The following MIB2 variants were observed in gnomAD, a reference collection of about 807,000 sequenced individuals.
MIB2 encodes the protein MIB E3 ubiquitin protein ligase 2, also known as E3 ubiquitin-protein ligase MIB2.
In MIB2, 78 loss-of-function variants were observed where a neutral mutation model predicts 96.6. The observed-to-expected ratio is 0.81, with a 90% CI of 0.67 to 0.97. MIB2 has a LOEUF of 0.97. Ranked by LOEUF, MIB2 falls within the 50% of genes least tolerant of loss-of-function variation. MIB2 has a pLI of 0.00. For synonymous variants in MIB2, 820 were observed against 629.5 expected, an observed-to-expected ratio of 1.30 and a Z score of -4.53; for missense variants, 1,543 against 1,424.0, an observed-to-expected ratio of 1.08 and a Z score of -1.35.
chr1:1,616,941 A>G (rs1643781299), intron 2 of MIB2: 1 of 287,526 alleles, frequency 3.5e-6, no homozygotes. Flanking sequence ...AAGTGTCTGA[A>G]TGTGGCGCTC....
upstream of MIB2, chr1:1,615,408 G>A (rs1643493537): frequency 6.9e-7 from 1 of 1,459,758 alleles, no homozygotes; most frequent in African/African-American, 1.5e-5. Flanking sequence ...ACGCTCCCGC[G>A]TGACGCACTT....
Position 1,629,371 on chromosome 1 carries a change from T to G in MIB2, c.2382-14T>G, listed in dbSNP as rs761814820. 1.1e-3 allele frequency: 1,563 copies of G among 1,437,942 alleles called. 2 individuals carry two copies. The highest frequency in any genetic ancestry group is 1.3e-3 in the Non-Finnish European group (1,452 of 1,109,648). The allele number at this position is 1,437,942 out of a possible 1,614,324, so 89.1% of individuals were successfully genotyped here. Reference sequence around the variant, plus strand: ...GCCTCCGGGCCCCTCTCAAGCCGCCTCCTCCCCCTGCAGGGAGCGGCAGGC... The same window carrying G: ...GCCTCCGGGCCCCTCTCAAGCCGCCGCCTCCCCCTGCAGGGAGCGGCAGGC... On this transcript the variant is annotated splice_polypyrimidine_tract_variant and intron_variant, in intron 17 of 19. Transcript: ENST00000355826.
In MIB2 at chr1:1,626,516, TG is replaced by T; in HGVS notation, c.973-130del. On this transcript the variant is annotated intron_variant, in intron 8 of 19. Coordinates refer to ENST00000355826, the MANE Select transcript of MIB2 (RefSeq NM_001170687.4). This position sits in a 1 kb window ranked among gnomAD's most constrained non-coding sequence, Gnocchi z 5.3. ...TCCAGCCAGAGCCTCTGGCAGTGCC[TG>T]GGGTCGGGGTCGGGGCCGGGGCCGA... 1 of 723,982 alleles carries T rather than the reference TG, an allele frequency of 1.4e-6. No homozygotes were observed. 44.8% of individuals were successfully genotyped at this position (723,982 alleles called of 1,614,324 possible).
chr1:1,629,603 G>C (rs1304470589), intron 18 of MIB2, 36 bp from the exon 19 acceptor site: 19 of 1,568,992 alleles, frequency 1.2e-5, no homozygotes, highest in Non-Finnish European at 1.6e-5. Context: ...GGCCCGGCTA[G>C]TAGGGCCGCA....
Position 1,629,200 on chromosome 1 carries a change from C to A in MIB2, c.2270C>A (p.Ala757Glu), listed in dbSNP as rs1293954894. ...TVGAAVACFL[A>E]LEGADVSYTN... Reference sequence around the variant, plus strand: ...GGCGCGGCGGTCGCCTGCTTCCTGGCGCTGGAGGGCGCCGACGTGAGCTAC... The same window carrying A: ...GGCGCGGCGGTCGCCTGCTTCCTGGAGCTGGAGGGCGCCGACGTGAGCTAC... The change falls in exon 17 of 20, where the codon GCG (alanine) becomes GAG (glutamate). Residue 757 changes from alanine to glutamate, a missense_variant. By Grantham distance (107) the Ala-to-Glu change is moderately radical. Coordinates refer to ENST00000355826, the MANE Select transcript of MIB2 (RefSeq NM_001170687.4). 6.6e-7 allele frequency: 1 copy of A among 1,521,018 alleles called. No individual in the cohort carries two copies. Among genetic ancestry groups the A allele is most frequent in the Admixed American group, 2.0e-5 (1 of 50,004 alleles). The allele number at this position is 1,521,018 out of a possible 1,614,324, so 94.2% of individuals were successfully genotyped here.
chr1:1,629,293 G>C lies in MIB2; in HGVS notation c.2363G>C (p.Gly788Ala). Reference sequence around the variant, plus strand: ...GGTCGCGTGCTCAAGGCCCTTCAGGGCTGCGCCCAGCGCTTCCGGTGAGTC... The same window carrying C: ...GGTCGCGTGCTCAAGGCCCTTCAGGCCTGCGCCCAGCGCTTCCGGTGAGTC... ...AEGRVLKALQ[G>A]CAQRFRERQA... The change falls in exon 17 of 20, where the codon GGC (glycine) becomes GCC (alanine). Residue 788 changes from glycine to alanine, a missense_variant. Physicochemically the swap from Gly to Ala is moderately conservative, Grantham distance 60. Transcript: ENST00000355826. The C allele has an allele frequency of 6.6e-7, 1 of 1,514,106 alleles. No homozygotes were observed. The highest frequency in any genetic ancestry group is 8.7e-7 in the Non-Finnish European group (1 of 1,146,230). 93.8% of individuals were successfully genotyped at this position (1,514,106 alleles called of 1,614,324 possible).
In MIB2 at chr1:1,629,404, G is replaced by C; in HGVS notation, c.2401G>C (p.Gly801Arg). ...QRFRERQAGG[G>R]AAPGPRQTLG... ...CTGCAGGGAGCGGCAGGCGGGCGGG[G>C]GCGCGGCCCCGGGCCCCAGGCAAAC... The change falls in exon 18 of 20, where the codon GGC becomes CGC. Residue 801 changes from glycine to arginine, a missense_variant. Gly to Arg is a moderately radical substitution (Grantham distance 125). Transcript: ENST00000355826. 6.9e-7 allele frequency: 1 copy of C among 1,449,342 alleles called. No homozygotes were observed. Among genetic ancestry groups the C allele is most frequent in the Non-Finnish European group, 9.0e-7 (1 of 1,113,146 alleles). 89.8% of individuals were successfully genotyped at this position (1,449,342 alleles called of 1,614,324 possible).
chr1:1,614,112 G>A (rs555027432), upstream of MIB2: 12 of 152,352 alleles, frequency 7.9e-5, no homozygotes, highest in Admixed American at 3.9e-4. Context: ...TACTGTAGCA[G>A]TGAACAGCAG....
rs527424531 is a variant in MIB2 at position 1,626,393 on chromosome 1, C to T, written c.973-257C>T. The T allele has an allele frequency of 1.5e-3, 750 of 510,228 alleles. No homozygotes were observed. Among genetic ancestry groups the T allele is most frequent in the Non-Finnish European group, 1.9e-3 (561 of 290,770 alleles). The allele number at this position is 510,228 out of a possible 1,614,324, so 31.6% of individuals were successfully genotyped here. A position where few individuals can be genotyped will look rare whatever the true frequency, so the allele number is the denominator to read the frequency against. On this transcript the variant is annotated intron_variant, in intron 8 of 19. Coordinates refer to ENST00000355826, the MANE Select transcript of MIB2 (RefSeq NM_001170687.4). The surrounding 1 kb of genome is among the most constrained non-coding windows in gnomAD (Gnocchi z 5.3). ...TTCCCAGGGCCAGCCACCTCGGCTT[C>T]ACACCTGCCCAGAGCTGGCTTCTGT... is the stretch of plus-strand genomic sequence containing the variant.
In MIB2 at chr1:1,625,641, G is replaced by T; in HGVS notation, c.960G>T (p.Gly320=). The T allele has an allele frequency of 6.4e-7, 1 of 1,561,204 alleles. No individual in the cohort carries two copies. Among genetic ancestry groups the T allele is most frequent in the African/African-American group, 1.4e-5 (1 of 73,758 alleles). Residue 320 remains glycine (G), a synonymous_variant, in exon 8 of 20, where the codon GGG becomes GGT. Transcript: ENST00000355826. This position sits in a 1 kb window ranked among gnomAD's most constrained non-coding sequence, Gnocchi z 5.0. ...NHETRWTFHP[G]ALTKHHSFWV... ...AGACGCGCTGGACCTTCCACCCCGGGGCGCTCACCAAGGTGCCGGGGGGGC... is the reference window on the plus strand; with the variant it reads ...AGACGCGCTGGACCTTCCACCCCGGTGCGCTCACCAAGGTGCCGGGGGGGC...
rs566299709 is a variant in MIB2 at position 1,616,376 on chromosome 1, C to G, written c.-129-132C>G. On this transcript the variant is annotated intron_variant, in intron 1 of 19. Transcript: ENST00000355826. ...ACCCCAGGGAGCCCATCCGGGCAGG[C>G]GGCGGCCCTGAGTGTCGCGGCCGTG... is the stretch of plus-strand genomic sequence containing the variant. The G allele has an allele frequency of 2.4e-4, 160 of 666,456 alleles. No homozygotes were observed. The African/African-American group carries it at 3.0e-3, about 13-fold the overall frequency. The allele number at this position is 666,456 out of a possible 1,614,324, so 41.3% of individuals were successfully genotyped here. A position where few individuals can be genotyped will look rare whatever the true frequency, so the allele number is the denominator to read the frequency against.
chr1:1,620,377 A>G (rs1371733547), intron 2 of MIB2, among the ~76,000 whole-genome samples: 2 of 151,916 alleles, frequency 1.3e-5, no homozygotes, highest in East Asian at 3.9e-4. Flanking sequence ...CGTGTCCCCT[A>G]CTAGCAAAGA....
rs1246461171 is a variant in MIB2 at position 1,627,328 on chromosome 1, G to A, written c.1407G>A (p.Leu469=). The change falls in exon 12 of 20, where the codon CTG becomes CTA. Residue 469 remains leucine (L), a synonymous_variant. Coordinates refer to ENST00000355826, the MANE Select transcript of MIB2 (RefSeq NM_001170687.4). ...CCAAGAACCAAGGCAGGACCGCTCT[G>A]CAAGTGGCTGCCTACCTGGGCCAGG... ...VDTKNQGRTA[L]QVAAYLGQVE... The A allele has an allele frequency of 6.2e-7, 1 of 1,613,184 alleles. No individual in the cohort carries two copies. Among genetic ancestry groups the A allele is most frequent in the African/African-American group, 1.3e-5 (1 of 75,068 alleles).
chr1:1,625,206 C>T lies in MIB2; in HGVS notation c.721+21C>T. 1 of 1,603,396 alleles carries T rather than the reference C, an allele frequency of 6.2e-7. No homozygotes were observed. Among genetic ancestry groups the T allele is most frequent in the Non-Finnish European group, 8.5e-7 (1 of 1,174,214 alleles). On this transcript the variant is annotated intron_variant, in intron 6 of 19. Coordinates refer to ENST00000355826, the MANE Select transcript of MIB2 (RefSeq NM_001170687.4). This position sits in a 1 kb window ranked among gnomAD's most constrained non-coding sequence, Gnocchi z 5.0. ...GCTCGGTATGAGGCTGTCACACTGACTCCATCAGCCCTCCTGCCTTGGCTG... is the reference window on the plus strand; with the variant it reads ...GCTCGGTATGAGGCTGTCACACTGATTCCATCAGCCCTCCTGCCTTGGCTG...
rs1381985243 is a variant in MIB2, at chr1:1,623,666, C to T, written c.214C>T (p.His72Tyr). The T allele has an allele frequency of 1.3e-6, 2 of 1,485,586 alleles. No individual in the cohort carries two copies. The highest frequency in any genetic ancestry group is 2.5e-5 in the East Asian group (1 of 40,290). 92.0% of individuals were successfully genotyped at this position (1,485,586 alleles called of 1,614,324 possible). ...CTACCGCGCCGGCTACCAGGGCGCG[C>T]ACGACCTGCTGCTGTACGACAACGC... ...TNYRAGYQGA[H>Y]DLLLYDNAQI... The change falls in exon 3 of 20, where the codon CAC becomes TAC. Residue 72 changes from histidine (H) to tyrosine (Y), a missense_variant. By Grantham distance (83) the His-to-Tyr change is moderately conservative (BLOSUM62 2). Transcript: ENST00000355826.
At position 1,626,863 on chromosome 1, in the gene MIB2, G is replaced by GAA. The variant is rs1370803117; in HGVS notation, c.1106_1107dup (p.Val370LysfsTer10). On this transcript the variant is annotated frameshift_variant, in exon 10 of 20. Coordinates refer to ENST00000355826, the MANE Select transcript of MIB2 (RefSeq NM_001170687.4). LOFTEE classifies it high-confidence loss of function. This position sits in a 1 kb window ranked among gnomAD's most constrained non-coding sequence, Gnocchi z 5.3. ...CCCTGGGCCGCGTCGGGAAGGTGGT[G>GAA]AAAGTGTTTGGAGACGGGAACCTGC... 6.2e-7 allele frequency: 1 copy of GAA among 1,604,204 alleles called. No individual in the cohort carries two copies.
chr1:1,619,370 G>A (rs993804704), intron 2 of MIB2, among the ~76,000 whole-genome samples: 10 of 152,170 alleles, frequency 6.6e-5, no homozygotes, highest in Non-Finnish European at 8.8e-5. Flanking sequence ...GCGAGATTAC[G>A]TCTCAAAAAA....
In MIB2 at chr1:1,629,475, G is replaced by C; in HGVS notation, c.2472G>C (p.Ala824=). 6.5e-7 allele frequency: 1 copy of C among 1,529,492 alleles called. No homozygotes were observed. The highest frequency in any genetic ancestry group is 1.2e-5 in the South Asian group (1 of 83,496). 94.7% of individuals were successfully genotyped at this position (1,529,492 alleles called of 1,614,324 possible). A position where few individuals can be genotyped will look rare whatever the true frequency, so the allele number is the denominator to read the frequency against. Residue 824 remains alanine (A), a synonymous_variant, in exon 18 of 20, where the codon GCG becomes GCC. Transcript: ENST00000355826. ...NTVTNLHVGA[A]PGPEAAECLV... ...TGACGAACCTGCACGTGGGCGCCGC[G>C]CCGGGGCCCGAGGCCGCTGAGTGCC...
At chr1:1,620,345 C>T (rs1398592001) in intron 2 of MIB2, among the ~76,000 whole-genome samples, 11 of 152,198 alleles carry the variant, frequency 7.2e-5, no homozygotes, top group Admixed American at 7.2e-4. Flanking sequence ...ATTGCCGGGC[C>T]CATCTCGGGG....
Sources: allele counts gnomAD v4.1 joint callset (sites outside exome capture counted in the v4.1 genomes callset), GRCh38; gene constraint gnomAD v4.1.1; non-coding constraint Gnocchi (gnomAD v3.1); transcripts MANE v1.5; gene names NCBI Gene and HGNC (gene_info 2026-07-23, HGNC 2026-07-21).